SGK3: variants seen among roughly 807,000 people sequenced by gnomAD.
SGK3 encodes the protein serine/threonine-protein kinase Sgk3.
Under a neutral mutation model 68.5 loss-of-function variants are expected in SGK3, and 47 were observed. The ratio of observed to expected loss-of-function variants is 0.69; its 90% confidence interval spans 0.54 to 0.87. The LOEUF is 0.87. Ranked by LOEUF, SGK3 falls within the 40% of genes least tolerant of loss-of-function variation. The pLI is 0.00. For synonymous variants in SGK3, 181 were observed against 189.1 expected (o/e 0.96, Z 0.35); for missense variants, 479 against 575.5 (o/e 0.83, Z 1.72).
intron 1 of SGK3, among the ~76,000 whole-genome samples, chr8:66,728,973 A>C (rs1805058660): frequency 6.6e-6 from 1 of 151,882 alleles, no homozygotes. Context: ...TAATCCCAGC[A>C]CTTTGGGAGG....
intron 6 of SGK3, among the ~76,000 whole-genome samples, chr8:66,822,984 G>T (rs1345489593): frequency 2.0e-5 from 3 of 151,934 alleles, no homozygotes; most frequent in Non-Finnish European, 2.9e-5. Context: ...AGTAATATAG[G>T]TTAATCAGAC....
chr8:66,815,498 T>C (rs769010506), intron 5 of SGK3, among the ~76,000 whole-genome samples: 5 of 152,254 alleles, frequency 3.3e-5, no homozygotes, highest in Non-Finnish European at 1.5e-5. Context: ...TTAAACATTA[T>C]GCCTTTTCCT....
At chr8:66,743,808 G>A (rs1394035898) in intron 1 of SGK3, among the ~76,000 whole-genome samples, 3 of 152,170 alleles carry the variant, frequency 2.0e-5, no homozygotes, top group Non-Finnish European at 2.9e-5. Context: ...CTACCGCTCC[G>A]AGAGCTAATT....
chr8:66,771,754 C>G (rs562647176), intron 1 of SGK3, among the ~76,000 whole-genome samples: 1 of 152,094 alleles, frequency 6.6e-6, no homozygotes, highest in Non-Finnish European at 1.5e-5. Context: ...TGAAAATAAT[C>G]ATGGACTGAT....
At chr8:66,773,703 A>G (rs1332302482) in intron 1 of SGK3, among the ~76,000 whole-genome samples, 1 of 152,186 alleles carries the variant, frequency 6.6e-6, no homozygotes, top group Non-Finnish European at 1.5e-5. Context: ...GATGCCTACT[A>G]AGAGACTAGC....
chr8:66,841,117 A>G lies in SGK3; in HGVS notation c.978+7A>G. 1.3e-6 allele frequency: 2 copies of G among 1,567,350 alleles called. No homozygotes were observed. Among genetic ancestry groups the G allele is most frequent in the Admixed American group, 1.9e-5 (1 of 52,138 alleles). On this transcript the variant is annotated splice_region_variant and intron_variant, in intron 13 of 16. Transcript: ENST00000521198. Reference sequence around the variant, plus strand: ...ATTTTGTGGGACACCAGAGGTAAGAAATATATCTCATTGTCATTTATATAA... The same window carrying G: ...ATTTTGTGGGACACCAGAGGTAAGAGATATATCTCATTGTCATTTATATAA...
chr8:66,824,870 T>G (rs1808989252), intron 6 of SGK3, among the ~76,000 whole-genome samples: 1 of 152,216 alleles, frequency 6.6e-6, no homozygotes, highest in Non-Finnish European at 1.5e-5. Flanking sequence ...AAATACTATA[T>G]GAAAGTAGTG....
At chr8:66,812,709 A>G (rs1808428052) in intron 4 of SGK3, among the ~76,000 whole-genome samples, 1 of 152,170 alleles carries the variant, frequency 6.6e-6, no homozygotes, top group Non-Finnish European at 1.5e-5. Flanking sequence ...ATAAACTTAG[A>G]TGCATTATCT....
intron 1 of SGK3, among the ~76,000 whole-genome samples, chr8:66,727,893 A>T (rs956660894): frequency 6.6e-6 from 1 of 152,272 alleles, no homozygotes; most frequent in African/African-American, 2.4e-5. Context: ...GGAAAAGTTT[A>T]AAAAGAAGTA....
At chr8:66,828,768 G>A (rs1809171913) in intron 7 of SGK3, 65 bp downstream of exon 7, 27 of 1,569,036 alleles carry the variant, frequency 1.7e-5, no homozygotes, top group Non-Finnish European at 2.4e-5. Context: ...TTGAGCGTAT[G>A]CAGATATGTA....
chr8:66,753,212 G>A (rs773780267), intron 1 of SGK3, among the ~76,000 whole-genome samples: 8 of 151,972 alleles, frequency 5.3e-5, no homozygotes, highest in Non-Finnish European at 1.0e-4. Flanking sequence ...AGAAAAACTA[G>A]GCAAAAAAAG....
At chr8:66,821,649 A>G (rs1255315504) in intron 5 of SGK3, among the ~76,000 whole-genome samples, 1 of 148,726 alleles carries the variant, frequency 6.7e-6, no homozygotes, top group East Asian at 2.0e-4. Flanking sequence ...AGTAGCTGGG[A>G]CTACAGGTGT....
intron 16 of SGK3, among the ~76,000 whole-genome samples, chr8:66,852,052 T>G (rs1024349156): frequency 6.6e-6 from 1 of 152,114 alleles, no homozygotes; most frequent in Non-Finnish European, 1.5e-5. Context: ...TCTGTTGTCT[T>G]TTCTTGTTAA....
At chr8:66,822,577 G>A in intron 6 of SGK3, 118 bp downstream of exon 6, 1 of 905,260 alleles carries the variant, frequency 1.1e-6, no homozygotes, top group Non-Finnish European at 1.6e-6. Flanking sequence ...TTTCTACTAT[G>A]TAGAACACAT....
chr8:66,745,418 A>G (rs780605048), intron 1 of SGK3, among the ~76,000 whole-genome samples: 1 of 151,964 alleles, frequency 6.6e-6, no homozygotes, highest in Non-Finnish European at 1.5e-5. Flanking sequence ...AAAAAATACA[A>G]CAAAAATTAG....
At chr8:66,736,681 G>T (rs182954448) in intron 1 of SGK3, among the ~76,000 whole-genome samples, 1 of 150,796 alleles carries the variant, frequency 6.6e-6, no homozygotes, top group African/African-American at 2.4e-5. Context: ...GTGCAATGGC[G>T]CAATCTCAGC....
intron 6 of SGK3, among the ~76,000 whole-genome samples, chr8:66,824,053 T>A (rs191688519): frequency 6.6e-6 from 1 of 152,256 alleles, no homozygotes; most frequent in Non-Finnish European, 1.5e-5. Context: ...AACCTTCATT[T>A]TGAAAAAAGA....
chr8:66,828,569 A>G (rs1274505908), intron 6 of SGK3, 85 bp from the exon 7 acceptor site: 2 of 1,579,356 alleles, frequency 1.3e-6, no homozygotes, highest in Non-Finnish European at 1.7e-6. Flanking sequence ...TATTTGTGGT[A>G]CAGTTATAAA....
chr8:66,840,468 G>A (rs1809755318), intron 12 of SGK3, among the ~76,000 whole-genome samples: 1 of 152,150 alleles, frequency 6.6e-6, no homozygotes, highest in African/African-American at 2.4e-5. Flanking sequence ...AGTTCCTTTG[G>A]TGGTGGTTAC....
Sources: gnomAD v4.1 joint callset for allele counts (sites outside exome capture counted in the v4.1 genomes callset) on GRCh38, gnomAD v4.1.1 for gene constraint, MANE v1.5 for transcripts, NCBI Gene and HGNC (gene_info 2026-07-23, HGNC 2026-07-21) for gene names.